Variants in NUFIP1 observed in about 807,000 individuals in gnomAD.
NUFIP1 encodes the protein nuclear FMR1 interacting protein 1.
A neutral mutation model predicts 56.2 loss-of-function variants in NUFIP1; 38 were observed. That is an observed-to-expected ratio of 0.68 (90% CI 0.52 to 0.89). The LOEUF is 0.89. Ranked by LOEUF, NUFIP1 falls within the 40% of genes least tolerant of loss-of-function variation. NUFIP1 has a pLI of 0.00. For synonymous variants in NUFIP1, 215 were observed against 212.4 expected, an observed-to-expected ratio of 1.01 and a Z score of -0.10; for missense variants, 567 against 605.8, an observed-to-expected ratio of 0.94 and a Z score of 0.67.
intron 1 of NUFIP1, among the ~76,000 whole-genome samples, chr13:44,982,849 A>T (rs1010158671): frequency 2.0e-5 from 3 of 152,068 alleles, no homozygotes; most frequent in Non-Finnish European, 4.4e-5. Flanking sequence ...TCTACAAAAA[A>T]ATTTAAAAAT....
At chr13:44,961,927 G>C (rs567577280) in intron 6 of NUFIP1, among the ~76,000 whole-genome samples, 2 of 152,282 alleles carry the variant, frequency 1.3e-5, no homozygotes, top group South Asian at 4.1e-4. Flanking sequence ...TAGTGTATCT[G>C]TTATTTGCAC....
chr13:44,945,669 A>T (rs1870882210), intron 8 of NUFIP1, among the ~76,000 whole-genome samples: 1 of 152,080 alleles, frequency 6.6e-6, no homozygotes. Context: ...GACATTTGAA[A>T]ATCAATTGAC....
intron 4 of NUFIP1, 97 bp from the exon 5 acceptor site, chr13:44,979,363 CA>C (rs1460101633): frequency 3.2e-6 from 3 of 950,596 alleles, no homozygotes; most frequent in African/African-American, 1.7e-5. Context: ...ATGTTGGACA[CA>C]ATTTTAAAAC....
chr13:44,948,432 G>A (rs1293356859), intron 8 of NUFIP1, among the ~76,000 whole-genome samples: 3 of 152,032 alleles, frequency 2.0e-5, no homozygotes, highest in Admixed American at 6.5e-5. Context: ...GTGAGCCACC[G>A]TGCCTGGCCC....
Position 44,979,932 on chromosome 13 carries a change from A to T in NUFIP1, c.615T>A (p.Ser205=). ...EHTKCPELDC[S]FTAHEKIVQF... ...GGACAATCTTCTCGTGTGCAGTAAA[A>T]GAGCAATCTAATTCAGGGCACTATG... The change falls in exon 4 of 10, where the codon TCT becomes TCA. Residue 205 remains serine (S), a synonymous_variant. Coordinates refer to ENST00000379161, the MANE Select transcript of NUFIP1 (RefSeq NM_012345.3). The T allele has an allele frequency of 1.2e-6, 2 of 1,603,418 alleles. No homozygotes were observed. The highest frequency in any genetic ancestry group is 1.7e-6 in the Non-Finnish European group (2 of 1,176,996).
At chr13:44,963,112 C>A (rs1023364943) in intron 6 of NUFIP1, among the ~76,000 whole-genome samples, 1 of 151,962 alleles carries the variant, frequency 6.6e-6, no homozygotes, top group Non-Finnish European at 1.5e-5. Flanking sequence ...AAAAAACTTG[C>A]TGGAATTTTG....
chr13:44,957,805 G>C (rs528615827), intron 7 of NUFIP1, among the ~76,000 whole-genome samples: 1 of 152,234 alleles, frequency 6.6e-6, no homozygotes, highest in African/African-American at 2.4e-5. Context: ...AGTCCTTCAA[G>C]TGTTCATTTA....
At chr13:44,951,756 T>TAC (rs1245461933) in intron 7 of NUFIP1, among the ~76,000 whole-genome samples, 1 of 152,258 alleles carries the variant, frequency 6.6e-6, no homozygotes, top group Non-Finnish European at 1.5e-5. Context: ...AAGTTATGTT[T>TAC]ACACTATACT....
intron 3 of NUFIP1, among the ~76,000 whole-genome samples, 155 bp downstream of exon 3, chr13:44,980,567 C>T (rs1566064468): frequency 6.6e-6 from 1 of 152,218 alleles, no homozygotes; most frequent in Non-Finnish European, 1.5e-5. Context: ...CACTTTCAAA[C>T]CCCAGGGTCA....
At chr13:44,986,520 T>A (rs1872399837) in intron 1 of NUFIP1, among the ~76,000 whole-genome samples, 1 of 151,752 alleles carries the variant, frequency 6.6e-6, no homozygotes, top group Non-Finnish European at 1.5e-5. Flanking sequence ...TGAAACCCCA[T>A]CTCTACTAAA....
intron 8 of NUFIP1, among the ~76,000 whole-genome samples, chr13:44,945,774 C>T (rs937438567): frequency 6.6e-6 from 1 of 151,970 alleles, no homozygotes; most frequent in Non-Finnish European, 1.5e-5. Context: ...CTCCCCACTC[C>T]CCAATAGTTA....
chr13:44,949,937 A>G (rs546658172), intron 7 of NUFIP1, 99 bp from the exon 8 acceptor site: 11 of 791,516 alleles, frequency 1.4e-5, no homozygotes, highest in African/African-American at 1.2e-4. Context: ...GTAATTTCTG[A>G]TCATTTCCTT....
At chr13:44,962,456 T>C (rs956909643) in intron 6 of NUFIP1, among the ~76,000 whole-genome samples, 2 of 152,254 alleles carry the variant, frequency 1.3e-5, no homozygotes, top group African/African-American at 4.8e-5. Context: ...CTTTCTTAGT[T>C]GCTGTTCTAG....
chr13:44,974,986 G>A (rs1423746521), intron 5 of NUFIP1, among the ~76,000 whole-genome samples: 1 of 152,130 alleles, frequency 6.6e-6, no homozygotes, highest in Non-Finnish European at 1.5e-5. Flanking sequence ...CTCAACATCA[G>A]TCACTTTTAG....
chr13:44,963,863 T>C (rs1209848811), intron 6 of NUFIP1, among the ~76,000 whole-genome samples: 1 of 152,212 alleles, frequency 6.6e-6, no homozygotes, highest in Non-Finnish European at 1.5e-5. Flanking sequence ...AGATTTAGAA[T>C]TGGTATGTCT....
chr13:44,977,688 A>G (rs1005731419), intron 5 of NUFIP1, among the ~76,000 whole-genome samples: 1 of 152,228 alleles, frequency 6.6e-6, no homozygotes, highest in Non-Finnish European at 1.5e-5. Context: ...CTAGCCACAG[A>G]TGCTCTTGAA....
At chr13:44,970,841 A>AT (rs922732762) in intron 5 of NUFIP1, among the ~76,000 whole-genome samples, 7 of 151,714 alleles carry the variant, frequency 4.6e-5, no homozygotes, top group Admixed American at 2.0e-4. Flanking sequence ...TGCCCAGCTA[A>AT]TTTTTTTTAT....
chr13:44,953,556 T>G (rs1431261257), intron 7 of NUFIP1, among the ~76,000 whole-genome samples: 1 of 152,182 alleles, frequency 6.6e-6, no homozygotes, highest in African/African-American at 2.4e-5. Context: ...AGGGTTATAA[T>G]TTATTATTAT....
intron 5 of NUFIP1, among the ~76,000 whole-genome samples, chr13:44,974,598 C>T (rs1031388851): frequency 1.3e-5 from 2 of 152,178 alleles, no homozygotes; most frequent in African/African-American, 2.4e-5. Flanking sequence ...GTTACCCAAG[C>T]TGCAGCGCAG....
Sources: allele counts gnomAD v4.1 joint callset (sites outside exome capture counted in the v4.1 genomes callset), GRCh38; gene constraint gnomAD v4.1.1; transcripts MANE v1.5; gene names NCBI Gene and HGNC (gene_info 2026-07-23, HGNC 2026-07-21).